Variants in PHF14 observed in about 807,000 individuals in gnomAD.
PHF14 encodes the protein PHD finger protein 14.
PHF14 carries 55 observed loss-of-function variants against 117.9 expected under a neutral mutation model. That is an observed-to-expected ratio of 0.47 (90% confidence interval 0.38 to 0.58). PHF14 has a LOEUF of 0.58. Among genes scored for constraint, PHF14 ranks in the 20% least tolerant of loss-of-function variants. The pLI, the probability that PHF14 is intolerant of heterozygous loss-of-function variation, is 0.00. For missense variants in PHF14, 978 were observed against 1,122.2 expected (o/e 0.87, Z 1.84); for synonymous variants, 409 against 368.6 (o/e 1.11, Z -1.26).
At chr7:11,065,327 G>A (rs1030877670) in intron 16 of PHF14, among the ~76,000 whole-genome samples, 1 of 152,072 alleles carries the variant, frequency 6.6e-6, no homozygotes, top group African/African-American at 2.4e-5. Flanking sequence ...CTTTGTCTGT[G>A]ATAGGTCATT....
At chr7:11,088,344 A>G (rs1384931823) in intron 16 of PHF14, among the ~76,000 whole-genome samples, 1 of 152,080 alleles carries the variant, frequency 6.6e-6, no homozygotes, top group African/African-American at 2.4e-5. Context: ...GAACCTGCAG[A>G]TATGGAGGGC....
At chr7:11,119,823 C>T (rs1253718671) in intron 17 of PHF14, among the ~76,000 whole-genome samples, 3 of 151,820 alleles carry the variant, frequency 2.0e-5, no homozygotes, top group Non-Finnish European at 4.4e-5. Flanking sequence ...GAAAAATGAA[C>T]TCTGGTAGTT....
chr7:11,010,694 G>A (rs748132594), intron 4 of PHF14, among the ~76,000 whole-genome samples: 24 of 151,726 alleles, frequency 1.6e-4, no homozygotes, highest in African/African-American at 5.1e-4. Context: ...TTTTTGAGAC[G>A]AGATTTTGCT....
chr7:11,075,879 C>T (rs997107721), intron 16 of PHF14, among the ~76,000 whole-genome samples: 1 of 152,106 alleles, frequency 6.6e-6, no homozygotes, highest in Non-Finnish European at 1.5e-5. Context: ...TGCCTGTAAT[C>T]CCAGCACTTT....
chr7:11,083,400 A>G (rs1179621710), intron 16 of PHF14, among the ~76,000 whole-genome samples: 1 of 143,466 alleles, frequency 7.0e-6, no homozygotes, highest in Admixed American at 7.1e-5. Flanking sequence ...CCGCACTCCC[A>G]CCCCGTATCA....
At chr7:11,046,152 AT>A (rs1292905982) in intron 13 of PHF14, among the ~76,000 whole-genome samples, 1 of 152,036 alleles carries the variant, frequency 6.6e-6, no homozygotes, top group African/African-American at 2.4e-5. Context: ...ATTTTGTCTC[AT>A]TTTTAGTTTA....
chr7:11,161,645 T>A (rs1012281224), intron 17 of PHF14, among the ~76,000 whole-genome samples: 3 of 150,164 alleles, frequency 2.0e-5, no homozygotes, highest in Non-Finnish European at 4.4e-5. Flanking sequence ...TTTGCCTAAA[T>A]ATTTCAAAAG....
chr7:11,039,714 A>G (rs548371380), intron 11 of PHF14, among the ~76,000 whole-genome samples: 3 of 152,286 alleles, frequency 2.0e-5, no homozygotes, highest in African/African-American at 7.2e-5. Context: ...ATACATACTG[A>G]TTTGTACTGT....
At chr7:11,117,015 C>T (rs149340001) in intron 17 of PHF14, among the ~76,000 whole-genome samples, 162 of 151,994 alleles carry the variant, frequency 1.1e-3, no homozygotes, top group African/African-American at 3.7e-3. Flanking sequence ...TGATAAAGAT[C>T]TCAACAACTT....
At chr7:11,159,838 A>T (rs941410095) in intron 17 of PHF14, among the ~76,000 whole-genome samples, 1 of 152,224 alleles carries the variant, frequency 6.6e-6, no homozygotes, top group African/African-American at 2.4e-5. Context: ...AGATGAAAAG[A>T]TATTCCTTTT....
chr7:11,042,421 G>A (rs1784530754), intron 12 of PHF14, among the ~76,000 whole-genome samples: 1 of 151,822 alleles, frequency 6.6e-6, no homozygotes, highest in Non-Finnish European at 1.5e-5. Context: ...CCTTATATAT[G>A]TAATTCTTTA....
intron 17 of PHF14, among the ~76,000 whole-genome samples, chr7:11,121,735 A>G (rs1787760881): frequency 1.3e-5 from 2 of 152,152 alleles, no homozygotes; most frequent in Non-Finnish European, 1.5e-5. Context: ...CAGTATGGAC[A>G]TATTCTGGGC....
At chr7:11,090,806 G>T (rs1309769721) in intron 16 of PHF14, among the ~76,000 whole-genome samples, 2 of 152,150 alleles carry the variant, frequency 1.3e-5, no homozygotes, top group East Asian at 3.8e-4. Flanking sequence ...TAGGATAATG[G>T]GATCATTCCT....
chr7:11,057,768 A>G (rs933843587), intron 14 of PHF14, among the ~76,000 whole-genome samples: 5 of 152,160 alleles, frequency 3.3e-5, no homozygotes, highest in African/African-American at 9.7e-5. Context: ...AATCTCTTCT[A>G]TGGATTTTTT....
chr7:11,014,346 A>G (rs745660713), intron 5 of PHF14, among the ~76,000 whole-genome samples: 1 of 152,188 alleles, frequency 6.6e-6, no homozygotes, highest in Non-Finnish European at 1.5e-5. Context: ...TTAAGCTGTG[A>G]TAAAAGAGTC....
intron 16 of PHF14, among the ~76,000 whole-genome samples, chr7:11,093,353 A>G (rs1380056681): frequency 6.6e-6 from 1 of 152,158 alleles, no homozygotes; most frequent in Non-Finnish European, 1.5e-5. Flanking sequence ...TGAAAAGGGC[A>G]CACCTGTTCT....
intron 16 of PHF14, chr7:11,107,428 CTG>C: frequency 1.2e-6 from 1 of 831,138 alleles, no homozygotes; most frequent in South Asian, 5.5e-5. Flanking sequence ...ACATCTATAT[CTG>C]TTATTAATCT....
intron 16 of PHF14, among the ~76,000 whole-genome samples, chr7:11,092,363 T>C (rs912327351): frequency 6.6e-6 from 1 of 152,214 alleles, no homozygotes; most frequent in Non-Finnish European, 1.5e-5. Flanking sequence ...TTTGTATTTC[T>C]AACAGGTTCC....
At chr7:11,038,127 A>G (rs1474150905) in intron 10 of PHF14, among the ~76,000 whole-genome samples, 2 of 152,188 alleles carry the variant, frequency 1.3e-5, no homozygotes, top group African/African-American at 2.4e-5. Context: ...TTAAAAATAT[A>G]TGGAGGCCGA....
Sources: allele counts gnomAD v4.1 joint callset (sites outside exome capture counted in the v4.1 genomes callset), GRCh38; gene constraint gnomAD v4.1.1; transcripts MANE v1.5; gene names NCBI Gene and HGNC (gene_info 2026-07-23, HGNC 2026-07-21).